The following TNFRSF8 variants were observed in gnomAD, a reference collection of about 807,000 sequenced individuals.
TNFRSF8 encodes tumor necrosis factor receptor superfamily member 8.
TNFRSF8 carries 26 observed loss-of-function variants against 70.8 expected under a neutral mutation model. The ratio of observed to expected loss-of-function variants is 0.37; its 90% CI spans 0.27 to 0.51. The LOEUF (loss-of-function observed/expected upper bound fraction) is 0.51, where lower values mean the gene tolerates loss of function less well. Among genes scored for constraint, TNFRSF8 ranks in the 20% least tolerant of loss-of-function variants. TNFRSF8 has a pLI of 0.94. For missense variants in TNFRSF8, 720 were observed against 807.9 expected, an observed-to-expected ratio of 0.89 and a Z score of 1.32; for synonymous variants, 356 against 339.2, an observed-to-expected ratio of 1.05 and a Z score of -0.54.
chr1:12,092,797 C>T (rs181423103), intron 2 of TNFRSF8, among the ~76,000 whole-genome samples: 22 of 151,122 alleles, frequency 1.5e-4, no homozygotes, highest in African/African-American at 4.1e-4. Context: ...TGTGAGCCAC[C>T]GCGCCCGACC....
chr1:12,080,334 G>T, intron 1 of TNFRSF8: 1 of 523,970 alleles, frequency 1.9e-6, no homozygotes, highest in South Asian at 1.4e-5. Context: ...CCATCCGGCC[G>T]AATCAGGGTG....
rs190472131 is a variant in TNFRSF8, at chr1:12,119,155, C to T, written c.946+3426C>T. Among the ~76,000 whole-genome samples, 58 of 152,342 alleles carry T rather than the reference C, an allele frequency of 3.8e-4. No homozygotes were observed. The highest frequency in any genetic ancestry group is 9.8e-4 in the Admixed American group (15 of 15,306). ...CTGGGATTACCGGCGTGAGCCACTG[C>T]GCCCGGCCATTTGTTTCTTCTTGCT... On this transcript the variant is annotated intron_variant, in intron 8 of 14. Coordinates refer to ENST00000263932, the MANE Select transcript of TNFRSF8 (RefSeq NM_001243.5). The surrounding 1 kb of genome is among the most constrained non-coding windows in gnomAD (Gnocchi z 4.4).
intron 3 of TNFRSF8, among the ~76,000 whole-genome samples, chr1:12,101,418 C>T (rs1261055321): frequency 7.2e-6 from 1 of 139,118 alleles, no homozygotes; most frequent in Non-Finnish European, 1.5e-5. Flanking sequence ...CAGAGCAAGA[C>T]CCTGTTTCAA....
intron 2 of TNFRSF8, among the ~76,000 whole-genome samples, chr1:12,089,817 C>T (rs1288100004): frequency 6.6e-6 from 1 of 151,604 alleles, no homozygotes; most frequent in Non-Finnish European, 1.5e-5. Context: ...ATCCATCCAT[C>T]CGTTCATCTA....
chr1:12,124,878 C>CAAAACAAAACA (rs148495171), intron 10 of TNFRSF8, among the ~76,000 whole-genome samples: 82 of 141,942 alleles, frequency 5.8e-4, no homozygotes, highest in South Asian at 9.0e-4. Context: ...CAAAACAAAA[C>CAAAACAAAACA]AAACAAAACC....
chr1:12,135,315 C>CAAAAA lies in TNFRSF8; in HGVS notation c.1310-259_1310-255dup, dbSNP rs33914244. Among the ~76,000 whole-genome samples, 7 of 93,572 alleles carry CAAAAA rather than the reference C, an allele frequency of 7.5e-5. 1 individual carries two copies. Among genetic ancestry groups the CAAAAA allele is most frequent in the East Asian group, 3.1e-4 (1 of 3,254 alleles). The allele number at this position is 93,572 out of a possible 152,430, so 61.4% of individuals were successfully genotyped here. ...TGGGTGACAGAGTGAGACTCCATCT[C>CAAAAA]AAAAAAAAAAAAAAAAAAGGAATGA... is the stretch of plus-strand genomic sequence containing the variant. On this transcript the variant is annotated intron_variant, in intron 12 of 14. Transcript: ENST00000263932.
At position 12,142,726 on chromosome 1, in the gene TNFRSF8, C is replaced by T. The variant is rs965931921; in HGVS notation, c.*195C>T. The T allele has an allele frequency of 2.9e-6, 2 of 699,324 alleles. No individual in the cohort carries two copies. Among genetic ancestry groups the T allele is most frequent in the Admixed American group, 6.0e-5 (2 of 33,578 alleles). The allele number at this position is 699,324 out of a possible 1,614,324, so 43.3% of individuals were successfully genotyped here. A position where few individuals can be genotyped will look rare whatever the true frequency, so the allele number is the denominator to read the frequency against. On this transcript the variant is annotated 3_prime_UTR_variant, in exon 15 of 15. Transcript: ENST00000263932. The surrounding 1 kb of genome is among the most constrained non-coding windows in gnomAD (Gnocchi z 5.0). ...ATCCCCAACTTAGCTGTCCCCTGAC[C>T]CAGAGCCTAGGGGATCCGGGGCTTG...
At position 12,063,913 on chromosome 1, in the gene TNFRSF8, AT is replaced by A. The variant is rs1640692325; in HGVS notation, c.63+254del. Among the ~76,000 whole-genome samples, 1 of 152,174 alleles carries A rather than the reference AT, an allele frequency of 6.6e-6. No homozygotes were observed. The highest frequency in any genetic ancestry group is 1.5e-5 in the Non-Finnish European group (1 of 68,020). On this transcript the variant is annotated intron_variant, in intron 1 of 14. Coordinates refer to ENST00000263932, the MANE Select transcript of TNFRSF8 (RefSeq NM_001243.5). The surrounding 1 kb of genome is among the most constrained non-coding windows in gnomAD (Gnocchi z 7.2). ...GGACTGATTCATTCATTCAGTGTGA[AT>A]TGGACTGAGAGCACTGCCATACGCG...
chr1:12,127,204 T>G (rs1437574169), intron 12 of TNFRSF8, among the ~76,000 whole-genome samples: 7 of 152,238 alleles, frequency 4.6e-5, no homozygotes, highest in African/African-American at 7.2e-5. Flanking sequence ...CTGCATGGCA[T>G]GGATTGGGTG....
At chr1:12,099,681 CGTT>C (rs1198070648) in intron 3 of TNFRSF8, among the ~76,000 whole-genome samples, 1 of 151,612 alleles carries the variant, frequency 6.6e-6, no homozygotes, top group Non-Finnish European at 1.5e-5. Context: ...GCAATTTTGT[CGTT>C]GTGCAAGCAT....
At chr1:12,128,370 T>C (rs12401286) in intron 12 of TNFRSF8, among the ~76,000 whole-genome samples, 14,208 of 152,236 alleles carry the variant, frequency 0.093, 745 homozygotes, top group South Asian at 0.23. Flanking sequence ...ACATCAGGGA[T>C]CTGTGGTCCG....
intron 2 of TNFRSF8, among the ~76,000 whole-genome samples, chr1:12,093,982 C>T (rs1641287624): frequency 6.7e-6 from 1 of 148,618 alleles, no homozygotes; most frequent in Non-Finnish European, 1.5e-5. Flanking sequence ...TCACTTGAAC[C>T]TGGGAGGCGG....
chr1:12,120,875 G>A (rs892283714), intron 8 of TNFRSF8, among the ~76,000 whole-genome samples: 2 of 152,182 alleles, frequency 1.3e-5, no homozygotes, highest in African/African-American at 4.8e-5. Context: ...GAGAGGGGAT[G>A]AGAGGCACCC....
At chr1:12,068,876 CTT>C (rs751437847) in intron 1 of TNFRSF8, among the ~76,000 whole-genome samples, 6 of 144,424 alleles carry the variant, frequency 4.2e-5, no homozygotes, top group Admixed American at 1.4e-4. Flanking sequence ...CTTTTTCTTT[CTT>C]TTTTTTTTTT....
rs1641680911 is a variant in TNFRSF8 at position 12,113,996 on chromosome 1, A to C, written c.794-1581A>C. Among the ~76,000 whole-genome samples the C allele has an allele frequency of 6.6e-6, 1 of 152,200 alleles. No individual in the cohort carries two copies. The highest frequency in any genetic ancestry group is 2.1e-4 in the South Asian group (1 of 4,830). On this transcript the variant is annotated intron_variant, in intron 7 of 14. Coordinates refer to ENST00000263932, the MANE Select transcript of TNFRSF8 (RefSeq NM_001243.5). This position sits in a 1 kb window ranked among gnomAD's most constrained non-coding sequence, Gnocchi z 4.9. ...GTTTTGGGGAAATACAGTCTGCCAC[A>C]ACCACCATGTGGACATATGGAGAAA...
At chr1:12,082,390 T>C (rs1383257052) in intron 1 of TNFRSF8, among the ~76,000 whole-genome samples, 1 of 151,236 alleles carries the variant, frequency 6.6e-6, no homozygotes, top group East Asian at 1.9e-4. Flanking sequence ...TACAAAAAAA[T>C]AAAACATTAG....
rs1641201197 is a variant in TNFRSF8 at position 12,088,989 on chromosome 1, C to T, written c.151+4438C>T. ...GAGCCCCCTCACAGCACCTCCTGGC[C>T]CCCCACTGTCCCTGTGTGCTTGACT... On this transcript the variant is annotated intron_variant, in intron 2 of 14. Transcript: ENST00000263932. This position sits in a 1 kb window ranked among gnomAD's most constrained non-coding sequence, Gnocchi z 4.0. Among the ~76,000 whole-genome samples the T allele has an allele frequency of 6.6e-6, 1 of 152,210 alleles. No individual in the cohort carries two copies. Among genetic ancestry groups the T allele is most frequent in the Admixed American group, 6.5e-5 (1 of 15,282 alleles).
chr1:12,094,872 C>T (rs757663557), intron 2 of TNFRSF8, among the ~76,000 whole-genome samples: 1 of 151,926 alleles, frequency 6.6e-6, no homozygotes, highest in Non-Finnish European at 1.5e-5. Flanking sequence ...ATGATCCATG[C>T]GCCTCGGCCT....
chr1:12,072,338 T>A (rs938567415), intron 1 of TNFRSF8, among the ~76,000 whole-genome samples: 2 of 151,868 alleles, frequency 1.3e-5, no homozygotes, highest in African/African-American at 4.8e-5. Context: ...GGGGGCAGTG[T>A]GGGAAGGGGA....
Sources: gnomAD v4.1 joint callset for allele counts (sites outside exome capture counted in the v4.1 genomes callset) on GRCh38, gnomAD v4.1.1 for gene constraint, Gnocchi (gnomAD v3.1) non-coding constraint, MANE v1.5 for transcripts, NCBI Gene and HGNC (gene_info 2026-07-23, HGNC 2026-07-21) for gene names.